The following MAX variants were observed in gnomAD, a reference collection of about 807,000 sequenced individuals.
MAX encodes MYC associated transcriptional regulator X.
Under a neutral mutation model 22.3 loss-of-function variants are expected in MAX, and 3 were observed. The observed-to-expected ratio is 0.13, with a 90% CI of 0.06 to 0.35. The LOEUF (loss-of-function observed/expected upper bound fraction) is 0.35. MAX is among the 10% of genes least tolerant of loss of function. The pLI is 1.00. For synonymous variants in MAX, 72 were observed against 77.7 expected (o/e 0.93, Z 0.39); for missense variants, 119 against 209.4 (o/e 0.57, Z 2.66).
Position 65,075,820 on chromosome 14 carries a change from A to C in MAX, c.*656T>G. 9.4e-7 allele frequency: 1 copy of C among 1,067,160 alleles called. No homozygotes were observed. Among genetic ancestry groups the C allele is most frequent in the Non-Finnish European group, 1.1e-6 (1 of 880,386 alleles). 66.1% of individuals were successfully genotyped at this position (1,067,160 alleles called of 1,614,324 possible). A position where few individuals can be genotyped will look rare whatever the true frequency, so the allele number is the denominator to read the frequency against. On this transcript the variant is annotated 3_prime_UTR_variant, in exon 5 of 5. Coordinates refer to ENST00000358664, the MANE Select transcript of MAX (RefSeq NM_002382.5). This position sits in a 1 kb window ranked among gnomAD's most constrained non-coding sequence, Gnocchi z 4.1. ...TCCGTGAGGCTGGCGCCGCAGGCTTAAACAGCTGGCTGAGAGAAGCAGGAG... is the reference window on the plus strand; with the variant it reads ...TCCGTGAGGCTGGCGCCGCAGGCTTCAACAGCTGGCTGAGAGAAGCAGGAG...
At chr14:65,015,736 A>G in intron 3 of MAX, 1 of 1,609,370 alleles carries the variant, frequency 6.2e-7, no homozygotes, top group Non-Finnish European at 8.5e-7. Flanking sequence ...TCTTTGGGAA[A>G]TCTGGGGTGT....
chr14:65,014,254 C>T lies in MAX; in HGVS notation c.172-7970G>A, dbSNP rs920729979. 3.3e-5 allele frequency among the ~76,000 whole-genome samples: 5 copies of T among 152,200 alleles called. No homozygotes were observed. Among genetic ancestry groups the T allele is most frequent in the African/African-American group, 1.2e-4 (5 of 41,440 alleles). ...AGTACTCCTACCTACCCTGCCTAGCCTTGAATGCTCAATAATCATTTATGG... is the reference window on the plus strand; with the variant it reads ...AGTACTCCTACCTACCCTGCCTAGCTTTGAATGCTCAATAATCATTTATGG... On this transcript the variant is annotated intron_variant, in intron 3 of 3. Coordinates refer to the MAX transcript ENST00000341653. The surrounding 1 kb of genome is among the most constrained non-coding windows in gnomAD (Gnocchi z 5.1).
rs1206779566 is a variant in MAX, at chr14:65,027,449, C to T, written c.172-21165G>A. 1.2e-6 allele frequency: 2 copies of T among 1,614,064 alleles called. No homozygotes were observed. Among genetic ancestry groups the T allele is most frequent in the Admixed American group, 1.7e-5 (1 of 60,014 alleles). On this transcript the variant is annotated intron_variant, in intron 3 of 3. Coordinates refer to the MAX transcript ENST00000341653. This position sits in a 1 kb window ranked among gnomAD's most constrained non-coding sequence, Gnocchi z 5.7. ...TTGTTTTTGCCCTTTGGCTGTGTAC[C>T]TAGTGTGTGTCAGTTCCTGGAGCTG...
intron 3 of MAX, among the ~76,000 whole-genome samples, chr14:65,018,970 C>T (rs567555534): frequency 3.6e-4 from 55 of 151,844 alleles, no homozygotes; most frequent in Admixed American, 1.6e-3. Context: ...ATTAGCCAAG[C>T]GTGGTGGCGC....
chr14:65,059,677 T>C (rs1307203255), intron 3 of MAX, among the ~76,000 whole-genome samples: 1 of 152,126 alleles, frequency 6.6e-6, no homozygotes, highest in Non-Finnish European at 1.5e-5. Flanking sequence ...TCCTGAATAT[T>C]GGCCTAGGAT....
At chr14:65,037,525 T>C (rs934883156) in intron 3 of MAX, among the ~76,000 whole-genome samples, 1 of 139,726 alleles carries the variant, frequency 7.2e-6, no homozygotes, top group Admixed American at 7.4e-5. Context: ...GCCTCGACTT[T>C]CCAGGCTCAA....
Position 65,093,948 on chromosome 14 carries a change from G to A in MAX, c.64-133C>T, listed in dbSNP as rs191223151. The stretch of plus-strand genomic sequence containing the variant: ...AGTGGACTGGGAAGGATTTCTCGAG[G>A]TGGGCAGTTAGGAGTCTCCAGAATT... On this transcript the variant is annotated intron_variant, in intron 2 of 4. Coordinates refer to ENST00000358664, the MANE Select transcript of MAX (RefSeq NM_002382.5). This position sits in a 1 kb window ranked among gnomAD's most constrained non-coding sequence, Gnocchi z 4.4. 1.5e-3 allele frequency: 1,101 copies of A among 718,964 alleles called. 3 individuals are homozygous for A. Among genetic ancestry groups the A allele is most frequent in the Middle Eastern group, 2.8e-3 (10 of 3,558 alleles). The allele number at this position is 718,964 out of a possible 1,614,324, so 44.5% of individuals were successfully genotyped here.
chr14:65,033,864 G>A (rs2062136402), intron 3 of MAX, among the ~76,000 whole-genome samples: 1 of 152,122 alleles, frequency 6.6e-6, no homozygotes, highest in South Asian at 2.1e-4. Flanking sequence ...CTCAAAAAAA[G>A]AAGCAAAAGG....
chr14:65,049,037 G>T (rs2062549911), intron 3 of MAX, among the ~76,000 whole-genome samples: 1 of 151,698 alleles, frequency 6.6e-6, no homozygotes, highest in Admixed American at 6.6e-5. Context: ...TGAGGCAGGA[G>T]AATCCCTTGA....
intron 3 of MAX, among the ~76,000 whole-genome samples, chr14:65,033,876 A>G (rs945513118): frequency 3.3e-5 from 5 of 152,184 alleles, no homozygotes; most frequent in Non-Finnish European, 7.4e-5. Context: ...AGCAAAAGGT[A>G]TAGTAGACAC....
intron 2 of MAX, among the ~76,000 whole-genome samples, chr14:65,099,074 C>T (rs540027627): frequency 1.2e-4 from 18 of 151,970 alleles, no homozygotes; most frequent in African/African-American, 4.1e-4. Context: ...AAGAATAGCT[C>T]CCTCTTAAAT....
rs1435889170 is a variant in MAX, at chr14:65,047,834, G to A, written c.172-41550C>T. On this transcript the variant is annotated intron_variant, in intron 3 of 3. Coordinates refer to the MAX transcript ENST00000341653. The surrounding 1 kb of genome is among the most constrained non-coding windows in gnomAD (Gnocchi z 5.2). ...CTGCAAGATACAACATGAAGTGTAA[G>A]GGGGCGGGGCCTGGAGCAGTGCCTG... Among the ~76,000 whole-genome samples the A allele has an allele frequency of 6.6e-6, 1 of 152,178 alleles. No homozygotes were observed. Among genetic ancestry groups the A allele is most frequent in the Non-Finnish European group, 1.5e-5 (1 of 68,044 alleles).
intron 2 of MAX, among the ~76,000 whole-genome samples, chr14:65,100,880 A>T (rs1381166484): frequency 6.6e-6 from 1 of 152,146 alleles, no homozygotes; most frequent in Non-Finnish European, 1.5e-5. Context: ...TATTGATAAC[A>T]CTCTATGGTC....
chr14:65,097,585 T>C (rs534745220), intron 2 of MAX, among the ~76,000 whole-genome samples: 1 of 152,344 alleles, frequency 6.6e-6, no homozygotes, highest in African/African-American at 2.4e-5. Flanking sequence ...ACTCAATATT[T>C]ACTACCTTTA....
chr14:65,031,338 G>C lies in MAX; in HGVS notation c.172-25054C>G, dbSNP rs1170777332. 1.3e-5 allele frequency among the ~76,000 whole-genome samples: 2 copies of C among 150,750 alleles called. No homozygotes were observed. Among genetic ancestry groups the C allele is most frequent in the Non-Finnish European group, 1.5e-5 (1 of 67,724 alleles). On this transcript the variant is annotated intron_variant, in intron 3 of 3. Transcript: ENST00000341653. This position sits in a 1 kb window ranked among gnomAD's most constrained non-coding sequence, Gnocchi z 4.6. ...TTTTTGTGTTTGTTTTTTTTTTTGAGACAGAGTCTCACTCTGTTGCCCAAG... is the reference window on the plus strand; with the variant it reads ...TTTTTGTGTTTGTTTTTTTTTTTGACACAGAGTCTCACTCTGTTGCCCAAG...
In MAX at chr14:65,023,956, G is replaced by A. The variant is rs1455849079; in HGVS notation, c.172-17672C>T. Among the ~76,000 whole-genome samples, 1 of 152,070 alleles carries A rather than the reference G, an allele frequency of 6.6e-6. No individual in the cohort carries two copies. The highest frequency in any genetic ancestry group is 2.4e-5 in the African/African-American group (1 of 41,416). ...ACTCTACTAAAAAATACAAAAATTA[G>A]CTGGGCGTGGCGGCATGCACCTGTA... On this transcript the variant is annotated intron_variant, in intron 3 of 3. Transcript: ENST00000341653. The surrounding 1 kb of genome is among the most constrained non-coding windows in gnomAD (Gnocchi z 4.1).
At chr14:65,045,659 G>A (rs143991670) in intron 3 of MAX, among the ~76,000 whole-genome samples, 15,151 of 152,100 alleles carry the variant, frequency 0.1, 1,003 homozygotes, top group Admixed American at 0.17. Flanking sequence ...CAGGTGATCC[G>A]CCCACTTCGG....
At chr14:65,019,008 T>C (rs2061834944) in intron 3 of MAX, among the ~76,000 whole-genome samples, 1 of 151,738 alleles carries the variant, frequency 6.6e-6, no homozygotes, top group Admixed American at 6.6e-5. Context: ...CAGGAGGCTG[T>C]TTGTTTGTTT....
At chr14:65,095,007 A>C (rs1269987470) in intron 2 of MAX, among the ~76,000 whole-genome samples, 2 of 152,262 alleles carry the variant, frequency 1.3e-5, no homozygotes, top group African/African-American at 4.8e-5. Context: ...TTGGCTTAGC[A>C]CAAGAATAAT....
Sources: gnomAD v4.1 joint callset for allele counts (sites outside exome capture counted in the v4.1 genomes callset) on GRCh38, gnomAD v4.1.1 for gene constraint, Gnocchi (gnomAD v3.1) non-coding constraint, MANE v1.5 for transcripts, NCBI Gene and HGNC (gene_info 2026-07-23, HGNC 2026-07-21) for gene names.